Variants in DAPK1 observed in about 807,000 individuals in gnomAD.
DAPK1 encodes death associated protein kinase 1.
A neutral mutation model predicts 144.9 loss-of-function variants in DAPK1; 56 were observed. The observed-to-expected ratio is 0.39, with a 90% CI of 0.31 to 0.48. The LOEUF (loss-of-function observed/expected upper bound fraction) is 0.48, where lower values mean the gene tolerates loss of function less well. Among genes scored for constraint, DAPK1 ranks in the 20% least tolerant of loss-of-function variants. The pLI is 0.95. For missense variants in DAPK1, 1,454 were observed against 1,875.4 expected (o/e 0.78, Z 4.15); for synonymous variants, 690 against 749.0 (o/e 0.92, Z 1.29).
At chr9:87,697,240 C>G in intron 22 of DAPK1, 36 bp downstream of exon 22, 1 of 981,054 alleles carries the variant, frequency 1.0e-6, no homozygotes, top group Non-Finnish European at 1.6e-6. Context: ...GATGTCCTAC[C>G]TGTGGTTGGC....
At chr9:87,647,658 C>G (rs938688546) in intron 14 of DAPK1, among the ~76,000 whole-genome samples, 5 of 152,142 alleles carry the variant, frequency 3.3e-5, no homozygotes, top group African/African-American at 1.2e-4. Context: ...ACATAAAAAC[C>G]TCAAAGTTCT....
intron 17 of DAPK1, among the ~76,000 whole-genome samples, chr9:87,657,060 C>T (rs1235895470): frequency 1.3e-5 from 2 of 152,050 alleles, no homozygotes; most frequent in Non-Finnish European, 2.9e-5. Flanking sequence ...AAAAAAAATT[C>T]CCAAACTTTC....
intron 3 of DAPK1, among the ~76,000 whole-genome samples, chr9:87,606,608 CCTCCCT>C (rs1332227155): frequency 1.7e-5 from 2 of 116,324 alleles, no homozygotes; most frequent in African/African-American, 3.2e-5. Context: ...TCCCTCCCTC[CCTCCCT>C]CTCTCTCTCC....
intron 3 of DAPK1, among the ~76,000 whole-genome samples, chr9:87,630,486 G>T (rs1000061099): frequency 6.6e-6 from 1 of 152,078 alleles, no homozygotes; most frequent in Non-Finnish European, 1.5e-5. Context: ...GCTGCCCCCT[G>T]GTCCTTCTTG....
chr9:87,665,824 G>T (rs754815756), intron 18 of DAPK1, among the ~76,000 whole-genome samples: 1 of 152,192 alleles, frequency 6.6e-6, no homozygotes, highest in Non-Finnish European at 1.5e-5. Context: ...AAGAGACACC[G>T]TGATTTCTGG....
At chr9:87,661,574 G>C (rs1830848490) in intron 18 of DAPK1, among the ~76,000 whole-genome samples, 1 of 152,116 alleles carries the variant, frequency 6.6e-6, no homozygotes, top group Admixed American at 6.5e-5. Context: ...TCTGATGATT[G>C]GTGATGTTGA....
intron 2 of DAPK1, among the ~76,000 whole-genome samples, chr9:87,551,803 G>GTAGA (rs1365159603): frequency 1.3e-5 from 2 of 152,150 alleles, no homozygotes; most frequent in Non-Finnish European, 2.9e-5. Flanking sequence ...GAGAGTCACC[G>GTAGA]TAGAGCCCAG....
Position 87,707,274 on chromosome 9 carries a change from C to G in DAPK1, c.4203C>G (p.Ile1401Met). ...TGAAGGCATCCTCTGTGTTCAAAAT[C>G]AACCTGGATGGCAATGGCCAGGAGG... ...FLLKASSVFK[I>M]NLDGNGQEAY... Residue 1401 changes from isoleucine to methionine, a missense_variant, in exon 26 of 26, where the codon ATC (isoleucine) becomes ATG (methionine). Transcript: ENST00000408954. This position sits in a 1 kb window ranked among gnomAD's most constrained non-coding sequence, Gnocchi z 4.0. The G allele has an allele frequency of 1.9e-6, 3 of 1,614,044 alleles. No individual in the cohort carries two copies. The highest frequency in any genetic ancestry group is 2.5e-6 in the Non-Finnish European group (3 of 1,179,934).
chr9:87,507,273 C>T (rs59807858), intron 2 of DAPK1, among the ~76,000 whole-genome samples: 1,640 of 152,242 alleles, frequency 0.011, 29 homozygotes, highest in African/African-American at 0.036. Context: ...AATGCAATGG[C>T]GCTATCTCGG....
chr9:87,507,339 A>G (rs941863163), intron 2 of DAPK1, among the ~76,000 whole-genome samples: 3 of 152,106 alleles, frequency 2.0e-5, no homozygotes, highest in East Asian at 1.9e-4. Flanking sequence ...CAGCCTCCCA[A>G]GTAGCTGGGA....
intron 17 of DAPK1, among the ~76,000 whole-genome samples, chr9:87,652,687 T>C (rs1437143117): frequency 6.9e-6 from 1 of 145,642 alleles, no homozygotes; most frequent in Non-Finnish European, 1.5e-5. Flanking sequence ...CCTGATTCTG[T>C]GTCCTCTCAC....
chr9:87,618,589 A>G (rs1402120304), intron 3 of DAPK1, among the ~76,000 whole-genome samples: 1 of 152,216 alleles, frequency 6.6e-6, no homozygotes, highest in Non-Finnish European at 1.5e-5. Flanking sequence ...GTTACTTGGC[A>G]AGGAAAATAA....
chr9:87,618,003 C>G (rs1217690766), intron 3 of DAPK1, among the ~76,000 whole-genome samples: 1 of 152,226 alleles, frequency 6.6e-6, no homozygotes, highest in Non-Finnish European at 1.5e-5. Context: ...ACAGAAAGAG[C>G]TTCTGAGTCT....
At position 87,643,581 on chromosome 9, in the gene DAPK1, C is replaced by T. The variant is rs960698199; in HGVS notation, c.1011+113C>T. 27 of 717,652 alleles carry T rather than the reference C, an allele frequency of 3.8e-5. No homozygotes were observed. The South Asian group carries it at 4.0e-4, about 11-fold the overall frequency. The allele number at this position is 717,652 out of a possible 1,614,324, so 44.5% of individuals were successfully genotyped here. On this transcript the variant is annotated intron_variant, in intron 11 of 25. Transcript: ENST00000408954. ...AACCTGAAGTTGTGGAAATGGCAAGCTTATTCTTGATCCCCTCGGAGGGGT... is the reference window on the plus strand; with the variant it reads ...AACCTGAAGTTGTGGAAATGGCAAGTTTATTCTTGATCCCCTCGGAGGGGT...
chr9:87,704,377 T>C (rs980397358), intron 25 of DAPK1, among the ~76,000 whole-genome samples: 1 of 152,232 alleles, frequency 6.6e-6, no homozygotes, highest in African/African-American at 2.4e-5. Flanking sequence ...ATTACATCCC[T>C]GCTTGCCCTT....
rs776973070 is a variant in DAPK1 at position 87,647,287 on chromosome 9, AG to A, written c.1231-16del. On this transcript the variant is annotated splice_polypyrimidine_tract_variant and intron_variant, in intron 13 of 25. Transcript: ENST00000408954. ...GTCAGCTCCCTAGAAATGTGACCCC[AG>A]GTTGATTTTCCTGCAGGGCGGGTCC... The A allele has an allele frequency of 1.2e-6, 2 of 1,606,550 alleles. No homozygotes were observed. Among genetic ancestry groups the A allele is most frequent in the Non-Finnish European group, 1.7e-6 (2 of 1,173,516 alleles).
chr9:87,677,872 G>A (rs374607108), intron 19 of DAPK1, among the ~76,000 whole-genome samples: 41 of 152,294 alleles, frequency 2.7e-4, no homozygotes, highest in Non-Finnish European at 4.1e-4. Flanking sequence ...CTCCAGGGTC[G>A]GTGGCAGCGC....
At chr9:87,580,786 G>A (rs528173654) in intron 2 of DAPK1, among the ~76,000 whole-genome samples, 2 of 152,302 alleles carry the variant, frequency 1.3e-5, no homozygotes, top group African/African-American at 4.8e-5. Context: ...ACATATACGA[G>A]TCTCCCACAT....
intron 2 of DAPK1, among the ~76,000 whole-genome samples, chr9:87,578,934 A>G (rs567603007): frequency 3.9e-5 from 6 of 152,184 alleles, no homozygotes; most frequent in Non-Finnish European, 7.3e-5. Context: ...TCTGGGCTTC[A>G]TCTCTAATGT....
Sources: gnomAD v4.1 joint callset for allele counts (sites outside exome capture counted in the v4.1 genomes callset) on GRCh38, gnomAD v4.1.1 for gene constraint, Gnocchi (gnomAD v3.1) non-coding constraint, MANE v1.5 for transcripts, NCBI Gene and HGNC (gene_info 2026-07-23, HGNC 2026-07-21) for gene names.